The following DPYSL3 variants were observed in gnomAD, a reference collection of about 807,000 sequenced individuals.
DPYSL3 encodes dihydropyrimidinase-related protein 3.
DPYSL3 carries 16 observed loss-of-function variants against 66.1 expected under a neutral mutation model. The ratio of observed to expected loss-of-function variants is 0.24; its 90% CI spans 0.16 to 0.37. The LOEUF (loss-of-function observed/expected upper bound fraction) is 0.37. Among genes scored for constraint, DPYSL3 ranks in the 10% least tolerant of loss-of-function variants. DPYSL3 has a pLI of 1.00. For synonymous variants in DPYSL3, 338 were observed against 345.1 expected (o/e 0.98, Z 0.23); for missense variants, 738 against 916.2 (o/e 0.81, Z 2.51).
intron 1 of DPYSL3, among the ~76,000 whole-genome samples, chr5:147,507,051 G>C (rs1193994813): frequency 6.6e-6 from 1 of 152,150 alleles, no homozygotes; most frequent in East Asian, 1.9e-4. Flanking sequence ...CAGATGTGTA[G>C]AGATGGAGCC....
At chr5:147,402,190 C>T (rs1017171411) in intron 8 of DPYSL3, among the ~76,000 whole-genome samples, 1 of 152,094 alleles carries the variant, frequency 6.6e-6, no homozygotes, top group African/African-American at 2.4e-5. Context: ...TGGTAAATAT[C>T]GCTTTCTTTA....
chr5:147,403,482 T>G (rs780942096), intron 8 of DPYSL3, among the ~76,000 whole-genome samples: 19 of 152,184 alleles, frequency 1.2e-4, no homozygotes, highest in Non-Finnish European at 2.4e-4. Context: ...CAAGTTGTGC[T>G]GCAATTTCAT....
At chr5:147,430,795 T>C (rs1752300381) in intron 1 of DPYSL3, among the ~76,000 whole-genome samples, 1 of 152,188 alleles carries the variant, frequency 6.6e-6, no homozygotes, top group Non-Finnish European at 1.5e-5. Context: ...AATGAGAACA[T>C]GCCTCTCAGA....
intron 1 of DPYSL3, among the ~76,000 whole-genome samples, chr5:147,434,719 T>G (rs1752385341): frequency 7.1e-6 from 1 of 140,590 alleles, no homozygotes; most frequent in Non-Finnish European, 1.5e-5. Flanking sequence ...AGTAAAATGA[T>G]CAGTGGTTAC....
At chr5:147,412,792 G>T in intron 5 of DPYSL3, 104 bp from the exon 6 acceptor site, 1 of 991,484 alleles carries the variant, frequency 1.0e-6, no homozygotes, top group South Asian at 1.4e-5. Flanking sequence ...ATAAAGCAGA[G>T]GAAATAAGTC....
chr5:147,446,471 T>C (rs1298071741), intron 1 of DPYSL3, among the ~76,000 whole-genome samples: 2 of 152,360 alleles, frequency 1.3e-5, no homozygotes, highest in South Asian at 4.1e-4. Flanking sequence ...AATTAGGCCA[T>C]GAGAAATGTT....
At chr5:147,471,539 G>C (rs1753085633) in intron 1 of DPYSL3, among the ~76,000 whole-genome samples, 2 of 152,118 alleles carry the variant, frequency 1.3e-5, no homozygotes, top group African/African-American at 4.8e-5. Flanking sequence ...GATTGGCTCT[G>C]CTTGGGTCAG....
At chr5:147,493,476 G>A (rs145498720) in intron 1 of DPYSL3, among the ~76,000 whole-genome samples, 387 of 152,162 alleles carry the variant, frequency 2.5e-3, no homozygotes, top group African/African-American at 7.7e-3. Context: ...AGGAGGCTGT[G>A]GTGGGAGGGA....
intron 8 of DPYSL3, 57 bp from the exon 9 acceptor site, chr5:147,401,753 C>T: frequency 1.3e-6 from 2 of 1,595,074 alleles, no homozygotes; most frequent in Non-Finnish European, 1.7e-6. Context: ...TGCACTGGGC[C>T]AAGCCTATTT....
At chr5:147,494,407 G>A (rs915851796) in intron 1 of DPYSL3, among the ~76,000 whole-genome samples, 13 of 151,468 alleles carry the variant, frequency 8.6e-5, no homozygotes, top group Non-Finnish European at 1.6e-4. Context: ...TTAGAGTATC[G>A]ATCAGTACAG....
intron 8 of DPYSL3, 128 bp downstream of exon 8, chr5:147,405,482 G>T (rs540748441): frequency 2.3e-6 from 3 of 1,308,000 alleles, no homozygotes; most frequent in Non-Finnish European, 1.0e-6. Flanking sequence ...ACAGGATGTG[G>T]AGAGCGGCTT....
chr5:147,394,176 G>T, intron 13 of DPYSL3, 53 bp from the exon 14 acceptor site: 2 of 1,571,562 alleles, frequency 1.3e-6, no homozygotes, highest in South Asian at 1.1e-5. Flanking sequence ...GTGGCGGGTA[G>T]GGGGATGTGG....
intron 2 of DPYSL3, among the ~76,000 whole-genome samples, chr5:147,419,833 T>C (rs1752045068): frequency 6.6e-6 from 1 of 152,124 alleles, no homozygotes; most frequent in Non-Finnish European, 1.5e-5. Flanking sequence ...AATATACTGG[T>C]AAAATGCAGC....
chr5:147,447,560 G>A (rs1054357489), intron 1 of DPYSL3, among the ~76,000 whole-genome samples: 2 of 152,152 alleles, frequency 1.3e-5, no homozygotes, highest in African/African-American at 4.8e-5. Flanking sequence ...CCAGGGAGCA[G>A]TTCGCCTCTC....
intron 1 of DPYSL3, among the ~76,000 whole-genome samples, chr5:147,465,118 C>T (rs1752991501): frequency 1.3e-5 from 2 of 152,156 alleles, no homozygotes; most frequent in South Asian, 4.1e-4. Context: ...TAGTTGAGCC[C>T]AGGAGGTCAA....
At chr5:147,487,547 T>G (rs541055994) in intron 1 of DPYSL3, among the ~76,000 whole-genome samples, 1 of 152,322 alleles carries the variant, frequency 6.6e-6, no homozygotes, top group Non-Finnish European at 1.5e-5. Flanking sequence ...GTTGGCAAAC[T>G]ATTGTCCATG....
At chr5:147,424,834 G>C in intron 2 of DPYSL3, 41 bp downstream of exon 2, 1 of 1,414,892 alleles carries the variant, frequency 7.1e-7, no homozygotes, top group South Asian at 1.2e-5. Flanking sequence ...TAATGAAGGA[G>C]GAAGTGCAAA....
chr5:147,438,186 C>A (rs1018109813), intron 1 of DPYSL3, among the ~76,000 whole-genome samples: 1 of 152,108 alleles, frequency 6.6e-6, no homozygotes, highest in South Asian at 2.1e-4. Flanking sequence ...GTCTAAAAAC[C>A]TATACACCCG....
At chr5:147,469,420 T>A (rs1217789921) in intron 1 of DPYSL3, among the ~76,000 whole-genome samples, 1 of 152,212 alleles carries the variant, frequency 6.6e-6, no homozygotes, top group East Asian at 1.9e-4. Context: ...CCACACAAGT[T>A]CTTTTAAACT....
Sources: gnomAD v4.1 joint callset for allele counts (sites outside exome capture counted in the v4.1 genomes callset) on GRCh38, gnomAD v4.1.1 for gene constraint, MANE v1.5 for transcripts, NCBI Gene and HGNC (gene_info 2026-07-23, HGNC 2026-07-21) for gene names.